Variants in BRSK2 observed in about 807,000 individuals in gnomAD.
BRSK2 encodes the protein serine/threonine-protein kinase BRSK2.
A neutral mutation model predicts 83.3 loss-of-function variants in BRSK2; 19 were observed. The observed-to-expected ratio is 0.23, with a 90% CI of 0.16 to 0.33. The LOEUF is 0.33. Ranked by LOEUF, BRSK2 falls within the 10% of genes least tolerant of loss-of-function variation. The pLI, the probability that BRSK2 is intolerant of heterozygous loss-of-function variation, is 1.00. For synonymous variants in BRSK2, 519 were observed against 435.4 expected (o/e 1.19, Z -2.39); for missense variants, 798 against 1,042.3 (o/e 0.77, Z 3.23).
intron 1 of BRSK2, among the ~76,000 whole-genome samples, chr11:1,420,854 C>T (rs1590409286): frequency 2.0e-5 from 3 of 151,992 alleles, no homozygotes; most frequent in Non-Finnish European, 2.9e-5. Flanking sequence ...TGCCCGGCAA[C>T]TCCCTGTTTT....
intron 3 of BRSK2, among the ~76,000 whole-genome samples, chr11:1,439,658 C>T (rs1850881208): frequency 6.6e-6 from 1 of 152,000 alleles, no homozygotes; most frequent in Non-Finnish European, 1.5e-5. Flanking sequence ...GTTGTCCCAC[C>T]CCCTCTGGAC....
chr11:1,443,202 G>T, intron 6 of BRSK2, 63 bp downstream of exon 6: 1 of 1,525,210 alleles, frequency 6.6e-7, no homozygotes. Context: ...TGACCCTGGT[G>T]GGACCCCAGC....
chr11:1,409,462 T>C (rs902774270), intron 1 of BRSK2: 22 of 152,346 alleles, frequency 1.4e-4, no homozygotes, highest in African/African-American at 5.3e-4. Flanking sequence ...AAGGGCCTTT[T>C]CCCCCAGTTC....
rs1247269752 is a variant in BRSK2 at position 1,423,796 on chromosome 11, G to T, written c.92-12244G>T. On this transcript the variant is annotated intron_variant, in intron 1 of 19. Coordinates refer to ENST00000528841, the MANE Select transcript of BRSK2 (RefSeq NM_001256627.2). The surrounding 1 kb of genome is among the most constrained non-coding windows in gnomAD (Gnocchi z 6.5). ...CCGCTGGGCGTTCCGGGTGCCCCAGGCCTCCCCCGCTGGGCGTTCCGGGTG... is the reference window on the plus strand; with the variant it reads ...CCGCTGGGCGTTCCGGGTGCCCCAGTCCTCCCCCGCTGGGCGTTCCGGGTG... 6.6e-6 allele frequency among the ~76,000 whole-genome samples: 1 copy of T among 150,512 alleles called. No homozygotes were observed. Among genetic ancestry groups the T allele is most frequent in the Non-Finnish European group, 1.5e-5 (1 of 67,524 alleles).
chr11:1,429,296 G>A (rs1356605467), intron 1 of BRSK2, among the ~76,000 whole-genome samples: 8 of 109,058 alleles, frequency 7.3e-5, no homozygotes, highest in African/African-American at 2.1e-4. Context: ...TGCACTGGGC[G>A]TGTGTCCTGG....
At chr11:1,447,522 C>T (rs1256472030) in intron 12 of BRSK2, among the ~76,000 whole-genome samples, 1 of 152,222 alleles carries the variant, frequency 6.6e-6, no homozygotes, top group Non-Finnish European at 1.5e-5. Flanking sequence ...CCTGTGCAGC[C>T]AGCAGAGACC....
intron 13 of BRSK2, 65 bp downstream of exon 13, chr11:1,449,901 G>A (rs1206532560): frequency 1.5e-6 from 2 of 1,323,110 alleles, no homozygotes; most frequent in Admixed American, 1.8e-5. Flanking sequence ...CAGTCAGCGT[G>A]TGCCAGGGTG....
intron 18 of BRSK2, among the ~76,000 whole-genome samples, chr11:1,457,979 G>A (rs577560182): frequency 3.6e-4 from 55 of 152,292 alleles, no homozygotes; most frequent in Middle Eastern, 3.4e-3. Flanking sequence ...GCAGGTACAC[G>A]TGGCGCTTCC....
rs1850729813 is a variant in BRSK2 at position 1,438,899 on chromosome 11, C to A, written c.272+508C>A. 6.6e-6 allele frequency among the ~76,000 whole-genome samples: 1 copy of A among 152,196 alleles called. No homozygotes were observed. Among genetic ancestry groups the A allele is most frequent in the South Asian group, 2.1e-4 (1 of 4,836 alleles). The stretch of plus-strand genomic sequence containing the variant: ...GCAGCCGCTGAGGCCAGCAGAAATC[C>A]CTACCCTGTCCCAGGCATGCCTGGC... On this transcript the variant is annotated intron_variant, in intron 3 of 19. Transcript: ENST00000528841. This position sits in a 1 kb window ranked among gnomAD's most constrained non-coding sequence, Gnocchi z 6.4.
chr11:1,450,547 C>T (rs767016782), intron 13 of BRSK2, 40 bp from the exon 14 acceptor site: 17 of 1,188,748 alleles, frequency 1.4e-5, no homozygotes, highest in East Asian at 5.5e-5. Flanking sequence ...CCCCACCCGC[C>T]GGGATTGAAC....
At chr11:1,401,752 T>C (rs1846493900) in intron 1 of BRSK2, among the ~76,000 whole-genome samples, 1 of 152,200 alleles carries the variant, frequency 6.6e-6, no homozygotes, top group Non-Finnish European at 1.5e-5. Flanking sequence ...TTATGCCCTG[T>C]TCGGGAGGCG....
chr11:1,460,615 C>A lies in BRSK2; in HGVS notation c.2103C>A (p.Leu701=). The change falls in exon 20 of 20, where the codon CTC becomes CTA. Residue 701 remains leucine, a synonymous_variant. Coordinates refer to ENST00000528841, the MANE Select transcript of BRSK2 (RefSeq NM_001256627.2). ...CCAAGCGGAGTGCCCACGGCCCACT[C>A]GGTGACTCCGCGGCCGCTGGCCCTG... ...TPAKRSAHGP[L]GDSAAAGPGP... 6.5e-7 allele frequency: 1 copy of A among 1,531,522 alleles called. No homozygotes were observed. 94.9% of individuals were successfully genotyped at this position (1,531,522 alleles called of 1,614,324 possible).
rs780165846 is a variant in BRSK2, at chr11:1,449,845, C to G, written c.1287+9C>G. Reference sequence around the variant, plus strand: ...CACTCAGCAGCCCCCGGGTGAGTGACCCCCCGCCCCCACCCAGCTCGGATG... The same window carrying G: ...CACTCAGCAGCCCCCGGGTGAGTGAGCCCCCGCCCCCACCCAGCTCGGATG... On this transcript the variant is annotated intron_variant, in intron 13 of 19. Coordinates refer to ENST00000528841, the MANE Select transcript of BRSK2 (RefSeq NM_001256627.2). 9.4e-6 allele frequency: 15 copies of G among 1,597,410 alleles called. No individual in the cohort carries two copies. The highest frequency in any genetic ancestry group is 1.3e-5 in the Non-Finnish European group (15 of 1,167,420).
intron 1 of BRSK2, among the ~76,000 whole-genome samples, chr11:1,424,173 G>A (rs1390680768): frequency 2.6e-5 from 4 of 152,130 alleles, no homozygotes; most frequent in Non-Finnish European, 1.5e-5. Context: ...GGACCCCTCG[G>A]CACCCCTGTG....
At chr11:1,415,094 CT>C (rs34102200) in intron 1 of BRSK2, among the ~76,000 whole-genome samples, 19,597 of 128,378 alleles carry the variant, frequency 0.15, 1,413 homozygotes, top group Non-Finnish European at 0.2. Context: ...CTGTCTTTAC[CT>C]TTTTTTTTTT....
intron 1 of BRSK2, among the ~76,000 whole-genome samples, chr11:1,424,125 C>T (rs934341857): frequency 6.6e-6 from 1 of 152,194 alleles, no homozygotes; most frequent in Admixed American, 6.5e-5. Flanking sequence ...GTCACCATTC[C>T]ACCCCCACAT....
At chr11:1,448,664 C>T (rs978728184) in intron 12 of BRSK2, among the ~76,000 whole-genome samples, 1 of 152,204 alleles carries the variant, frequency 6.6e-6, no homozygotes, top group Non-Finnish European at 1.5e-5. Flanking sequence ...GAGGGCTGTC[C>T]GCGCTCCCAG....
At position 1,460,667 on chromosome 11, in the gene BRSK2, A is replaced by C. The variant is rs1189547713; in HGVS notation, c.2155A>C (p.Thr719Pro). The change falls in exon 20 of 20, where the codon ACG becomes CCG. Residue 719 changes from threonine (T) to proline (P), a missense_variant. Thr to Pro is a conservative substitution (Grantham distance 38). Around this residue, in one of 6 missense-constraint regions of BRSK2, gnomAD observed 455 missense variants for 455.2 expected, o/e 1.00. Transcript: ENST00000528841. ...CCCCGGAGGGGACGCCGAGTACCCA[A>C]CGGGCAAGGACACGGCCAAGATGGG... ...PGPGGDAEYP[T>P]GKDTAKMGPP... is the part of the protein sequence containing the mutation. 6.6e-7 allele frequency: 1 copy of C among 1,520,150 alleles called. No homozygotes were observed. The highest frequency in any genetic ancestry group is 8.8e-7 in the Non-Finnish European group (1 of 1,138,460). The allele number at this position is 1,520,150 out of a possible 1,614,324, so 94.2% of individuals were successfully genotyped here.
At chr11:1,448,389 C>T (rs983245924) in intron 12 of BRSK2, among the ~76,000 whole-genome samples, 22 of 152,192 alleles carry the variant, frequency 1.4e-4, no homozygotes, top group African/African-American at 2.2e-4. Context: ...GCCCTGGCCC[C>T]GTGCCTACCT....
Sources: allele counts gnomAD v4.1 joint callset (sites outside exome capture counted in the v4.1 genomes callset), GRCh38; gene constraint gnomAD v4.1.1; regional missense constraint gnomAD v4.1.1; non-coding constraint Gnocchi (gnomAD v3.1); transcripts MANE v1.5; gene names NCBI Gene and HGNC (gene_info 2026-07-23, HGNC 2026-07-21).